AFG1L: variants seen among roughly 807,000 people sequenced by gnomAD.
AFG1L encodes AFG1 like ATPase.
Under a neutral mutation model 62.2 loss-of-function variants are expected in AFG1L, and 53 were observed. That is an observed-to-expected ratio of 0.85 (90% confidence interval 0.68 to 1.07). AFG1L has a LOEUF of 1.07. Ranked by LOEUF, AFG1L falls within the 50% of genes least tolerant of loss-of-function variation. The probability of loss-of-function intolerance (pLI) is 0.00; values close to 1 mark genes in which losing one functional copy is unlikely to be tolerated. For synonymous variants in AFG1L, 228 were observed against 210.3 expected (o/e 1.08, Z -0.73); for missense variants, 555 against 590.5 (o/e 0.94, Z 0.62).
intron 1 of AFG1L, among the ~76,000 whole-genome samples, chr6:108,300,967 C>T (rs1327767077): frequency 1.3e-5 from 2 of 152,160 alleles, no homozygotes; most frequent in East Asian, 1.9e-4. Context: ...CCACCACGCC[C>T]GGCCTGAACT....
At chr6:108,366,172 C>T in intron 5 of AFG1L, 61 bp from the exon 6 acceptor site, 2 of 983,410 alleles carry the variant, frequency 2.0e-6, no homozygotes, top group Admixed American at 2.1e-5. Flanking sequence ...AGATGATCCA[C>T]TAGCAAATTT....
intron 2 of AFG1L, among the ~76,000 whole-genome samples, chr6:108,329,726 C>G (rs1387642228): frequency 1.3e-5 from 2 of 152,046 alleles, no homozygotes; most frequent in Non-Finnish European, 2.9e-5. Flanking sequence ...AAAACAAACA[C>G]TGATATGCCA....
intron 10 of AFG1L, among the ~76,000 whole-genome samples, chr6:108,508,536 T>C (rs747375646): frequency 6.6e-6 from 1 of 152,176 alleles, no homozygotes; most frequent in Non-Finnish European, 1.5e-5. Flanking sequence ...TCCAAAGGAC[T>C]CGGGTCATTC....
At chr6:108,357,903 AG>A (rs1779355182) in intron 5 of AFG1L, among the ~76,000 whole-genome samples, 1 of 152,170 alleles carries the variant, frequency 6.6e-6, no homozygotes, top group African/African-American at 2.4e-5. Context: ...TTTATGATGG[AG>A]GGGAAAGAAT....
chr6:108,379,266 T>C (rs1326583152), intron 6 of AFG1L, among the ~76,000 whole-genome samples: 2 of 152,096 alleles, frequency 1.3e-5, no homozygotes, highest in Non-Finnish European at 2.9e-5. Context: ...CACCTTAGCC[T>C]CCCAAGGTGC....
intron 2 of AFG1L, among the ~76,000 whole-genome samples, chr6:108,331,077 C>T (rs1464430480): frequency 1.3e-5 from 2 of 151,796 alleles, no homozygotes; most frequent in African/African-American, 4.8e-5. Flanking sequence ...TGCTTGAGGC[C>T]AGGAGTTTGA....
chr6:108,432,039 C>T (rs1021993485), intron 7 of AFG1L, among the ~76,000 whole-genome samples: 5 of 149,680 alleles, frequency 3.3e-5, no homozygotes, highest in Non-Finnish European at 5.9e-5. Context: ...CATCAGGTGC[C>T]GGCGCTTTGC....
chr6:108,424,901 G>A (rs1361204810), intron 7 of AFG1L, among the ~76,000 whole-genome samples: 1 of 152,034 alleles, frequency 6.6e-6, no homozygotes, highest in African/African-American at 2.4e-5. Context: ...TTATATAAAT[G>A]TATCACTGCC....
chr6:108,494,444 C>T (rs564500424), intron 10 of AFG1L, among the ~76,000 whole-genome samples: 13 of 151,314 alleles, frequency 8.6e-5, no homozygotes, highest in East Asian at 5.8e-4. Flanking sequence ...CCCCCCACCC[C>T]GCAAAAAAAT....
At chr6:108,359,267 C>T (rs937770630) in intron 5 of AFG1L, 5 of 152,052 alleles carry the variant, frequency 3.3e-5, no homozygotes, top group East Asian at 1.9e-4. Context: ...GTTTAGATTT[C>T]GAAAGGTTGA....
intron 7 of AFG1L, among the ~76,000 whole-genome samples, chr6:108,446,720 TCTCAAA>T (rs1483932341): frequency 6.6e-6 from 1 of 151,046 alleles, no homozygotes; most frequent in African/African-American, 2.5e-5. Flanking sequence ...CTCAGGCTGG[TCTCAAA>T]CTCCTGGACA....
intron 12 of AFG1L, chr6:108,520,656 T>C (rs1775090835): frequency 6.6e-6 from 1 of 152,212 alleles, no homozygotes; most frequent in South Asian, 2.1e-4. Context: ...TTCAGGAGTT[T>C]GGGAGAACGA....
Position 108,448,567 on chromosome 6 carries a change from G to A in AFG1L, c.890+1271G>A, listed in dbSNP as rs531925072. On this transcript the variant is annotated intron_variant, in intron 8 of 12. Transcript: ENST00000368977. The stretch of plus-strand genomic sequence containing the variant: ...GGGAGTTCCTTAAATAAAGATGGTA[G>A]TCTGAGTCTAAATTATAAAATTTGT... 7.9e-5 allele frequency among the ~76,000 whole-genome samples: 12 copies of A among 152,066 alleles called. No individual in the cohort carries two copies. In the South Asian group the frequency reaches 2.5e-3, roughly 32 times the overall value.
At chr6:108,393,153 A>C (rs539822770) in intron 6 of AFG1L, among the ~76,000 whole-genome samples, 223 of 152,166 alleles carry the variant, frequency 1.5e-3, no homozygotes, top group African/African-American at 5.2e-3. Context: ...ATAGTCAAGA[A>C]CTCCTGAATT....
chr6:108,388,250 A>G (rs1780862254), intron 6 of AFG1L, among the ~76,000 whole-genome samples: 1 of 152,146 alleles, frequency 6.6e-6, no homozygotes, highest in African/African-American at 2.4e-5. Context: ...TATTGCGTCT[A>G]TTTGATTCTT....
At chr6:108,361,998 G>C (rs770660944) in intron 5 of AFG1L, among the ~76,000 whole-genome samples, 8 of 152,116 alleles carry the variant, frequency 5.3e-5, no homozygotes, top group Non-Finnish European at 1.2e-4. Flanking sequence ...CAGTGTCTGA[G>C]AATGAATGAA....
chr6:108,335,267 G>C (rs578116696), intron 2 of AFG1L, among the ~76,000 whole-genome samples: 1 of 152,078 alleles, frequency 6.6e-6, no homozygotes, highest in South Asian at 2.1e-4. Context: ...CACTGCCCCG[G>C]CTGGTTTTTC....
At chr6:108,416,739 A>C (rs1759499808) in intron 7 of AFG1L, among the ~76,000 whole-genome samples, 1 of 152,126 alleles carries the variant, frequency 6.6e-6, no homozygotes, top group African/African-American at 2.4e-5. Flanking sequence ...ACACTTGGAC[A>C]CAGGGTGAGG....
chr6:108,512,832 T>C (rs750372075), intron 11 of AFG1L, among the ~76,000 whole-genome samples: 17 of 152,320 alleles, frequency 1.1e-4, no homozygotes, highest in Non-Finnish European at 2.4e-4. Flanking sequence ...TAAAGTGTAG[T>C]CAAAACCATT....
Sources: gnomAD v4.1 joint callset for allele counts (sites outside exome capture counted in the v4.1 genomes callset) on GRCh38, gnomAD v4.1.1 for gene constraint, MANE v1.5 for transcripts, NCBI Gene and HGNC (gene_info 2026-07-23, HGNC 2026-07-21) for gene names.